The following TMEM131L variants were observed in gnomAD, a reference collection of about 807,000 sequenced individuals.
The protein encoded by TMEM131L is transmembrane 131 like.
A neutral mutation model predicts 192.2 loss-of-function variants in TMEM131L; 54 were observed. The observed-to-expected ratio is 0.28, with a 90% confidence interval of 0.23 to 0.35. The LOEUF is 0.35. TMEM131L is among the 10% of genes least tolerant of loss of function. The pLI, the probability that TMEM131L is intolerant of heterozygous loss-of-function variation, is 1.00. For missense variants in TMEM131L, 1,888 were observed against 1,972.9 expected (o/e 0.96, Z 0.82); for synonymous variants, 701 against 704.9 (o/e 0.99, Z 0.09).
chr4:153,566,518 AGTGTGTGTGTGTGT>A (rs35949558), intron 7 of TMEM131L, among the ~76,000 whole-genome samples: 5 of 145,758 alleles, frequency 3.4e-5, no homozygotes, highest in East Asian at 2.0e-4. Flanking sequence ...TGTGAGTGTG[AGTGTGTGTGTGTGT>A]GTGTGTGTGT....
chr4:153,567,116 A>G (rs1402652188), intron 7 of TMEM131L, among the ~76,000 whole-genome samples: 2 of 152,234 alleles, frequency 1.3e-5, no homozygotes, highest in Non-Finnish European at 2.9e-5. Context: ...AAATCAGGGT[A>G]AGGAGGAGAA....
intron 3 of TMEM131L, among the ~76,000 whole-genome samples, chr4:153,537,377 G>C (rs1214785722): frequency 1.3e-5 from 2 of 152,164 alleles, no homozygotes; most frequent in Non-Finnish European, 2.9e-5. Context: ...ATAGTGCAAA[G>C]CAAAAGCAGG....
At chr4:153,593,021 A>C (rs1205589068) in intron 18 of TMEM131L, among the ~76,000 whole-genome samples, 1 of 152,164 alleles carries the variant, frequency 6.6e-6, no homozygotes, top group East Asian at 1.9e-4. Context: ...AGTCCTTTAA[A>C]ACCATTGATG....
intron 7 of TMEM131L, among the ~76,000 whole-genome samples, chr4:153,580,037 A>G (rs1275678152): frequency 6.6e-6 from 1 of 152,174 alleles, no homozygotes; most frequent in Non-Finnish European, 1.5e-5. Flanking sequence ...TCTAATCACT[A>G]TGCCAGAGAC....
In TMEM131L at chr4:153,604,235, A is replaced by G. The variant is rs1278583873; in HGVS notation, c.3223A>G (p.Ser1075Gly). ...TTTCAGTAATCCTTCTTCAGAATGT[A>G]GTATGAAGGAGGGAATACAGACATG... ...IVFSNPSSEC[S>G]MKEGIQTCMF... The change falls in exon 25 of 35, where the codon AGT becomes GGT. Residue 1075 changes from serine (S) to glycine (G), a missense_variant. By Grantham distance (56) the Ser-to-Gly change is moderately conservative. Transcript: ENST00000409959. The G allele has an allele frequency of 5.0e-6, 8 of 1,613,938 alleles. No individual in the cohort carries two copies. Among genetic ancestry groups the G allele is most frequent in the Non-Finnish European group, 6.8e-6 (8 of 1,179,924 alleles).
Position 153,634,253 on chromosome 4 carries a change from T to C in TMEM131L, c.4390T>C (p.Leu1464=). The C allele has an allele frequency of 6.2e-7, 1 of 1,614,064 alleles. No homozygotes were observed. Among genetic ancestry groups the C allele is most frequent in the Non-Finnish European group, 8.5e-7 (1 of 1,179,906 alleles). ...TTCCAGCGCATACTGTCCATTGGAA[T>C]TGAACGATTACAATGCCTTTCCAGA... ...QFSSAYCPLE[L]NDYNAFPEEN... is the part of the protein sequence containing the mutation. Residue 1464 remains leucine, a synonymous_variant, in exon 33 of 35, where the codon TTG becomes CTG. Transcript: ENST00000409959.
At chr4:153,542,655 T>G (rs1469874452) in intron 3 of TMEM131L, among the ~76,000 whole-genome samples, 1 of 152,236 alleles carries the variant, frequency 6.6e-6, no homozygotes, top group Non-Finnish European at 1.5e-5. Flanking sequence ...ATAAATTTAC[T>G]TGCTGTCATT....
chr4:153,589,143 T>C (rs1730900637), intron 16 of TMEM131L, 136 bp downstream of exon 16: 1 of 477,636 alleles, frequency 2.1e-6, no homozygotes, highest in Admixed American at 3.8e-5. Flanking sequence ...GCAGACCCTA[T>C]ATACTATGCA....
intron 26 of TMEM131L, among the ~76,000 whole-genome samples, chr4:153,612,932 A>G (rs1344523954): frequency 6.6e-6 from 1 of 152,214 alleles, no homozygotes; most frequent in Non-Finnish European, 1.5e-5. Context: ...GCACTTAGTT[A>G]AATTAATTGA....
chr4:153,621,444 G>A (rs564875302), intron 27 of TMEM131L, among the ~76,000 whole-genome samples: 1 of 152,330 alleles, frequency 6.6e-6, no homozygotes, highest in African/African-American at 2.4e-5. Context: ...AACCCAGGCA[G>A]TGTGGCACTC....
At chr4:153,548,797 T>A (rs1318143384) in intron 3 of TMEM131L, among the ~76,000 whole-genome samples, 2 of 152,136 alleles carry the variant, frequency 1.3e-5, no homozygotes, top group African/African-American at 4.8e-5. Flanking sequence ...GCATTGTTTG[T>A]ACCTTCAAGA....
intron 3 of TMEM131L, among the ~76,000 whole-genome samples, chr4:153,502,786 C>G (rs1171848180): frequency 6.6e-6 from 1 of 152,164 alleles, no homozygotes. Context: ...TTTATAATTT[C>G]TTGTTACTTG....
chr4:153,544,279 G>A (rs992487375), intron 3 of TMEM131L, among the ~76,000 whole-genome samples: 1 of 152,190 alleles, frequency 6.6e-6, no homozygotes, highest in Non-Finnish European at 1.5e-5. Context: ...GTTAGGAGGT[G>A]AAGCTATTTT....
In TMEM131L at chr4:153,612,858, C is replaced by T. The variant is rs112122456; in HGVS notation, c.3567+458C>T. Among the ~76,000 whole-genome samples, 873 of 152,172 alleles carry T rather than the reference C, an allele frequency of 5.7e-3. 10 individuals carry two copies. Among genetic ancestry groups the T allele is most frequent in the African/African-American group, 0.02 (826 of 41,520 alleles). ...TTTCCTGATATGAGGGAAGAACTAACTTTGCAGATCAAAAGGGGACAATGT... is the reference window on the plus strand; with the variant it reads ...TTTCCTGATATGAGGGAAGAACTAATTTTGCAGATCAAAAGGGGACAATGT... On this transcript the variant is annotated intron_variant, in intron 26 of 34. Coordinates refer to ENST00000409959, the MANE Select transcript of TMEM131L (RefSeq NM_001131007.2).
Position 153,612,301 on chromosome 4 carries a change from T to C in TMEM131L, c.3468T>C (p.Asn1156=), listed in dbSNP as rs563995161. The change falls in exon 26 of 35, where the codon AAT becomes AAC. Residue 1156 remains asparagine, a synonymous_variant. Coordinates refer to ENST00000409959, the MANE Select transcript of TMEM131L (RefSeq NM_001131007.2). ...PVKNEVDHCE[N]LKKVDTKPSS... is the part of the protein sequence containing the mutation. Reference sequence around the variant, plus strand: ...AGAATGAAGTAGATCATTGTGAAAATTTGAAGAAGGTGGACACAAAGCCTT... The same window carrying C: ...AGAATGAAGTAGATCATTGTGAAAACTTGAAGAAGGTGGACACAAAGCCTT... 2 of 1,591,812 alleles carry C rather than the reference T, an allele frequency of 1.3e-6. No homozygotes were observed. Among genetic ancestry groups the C allele is most frequent in the South Asian group, 2.4e-5 (2 of 83,450 alleles).
Position 153,585,160 on chromosome 4 carries a change from G to A in TMEM131L, c.1157+229G>A, listed in dbSNP as rs1409228411. Among the ~76,000 whole-genome samples, 3 of 152,212 alleles carry A rather than the reference G, an allele frequency of 2.0e-5. No homozygotes were observed. In the East Asian group the frequency reaches 5.8e-4, roughly 29 times the overall value. ...AAATAGGTTCAGCATCAGGCATCCAGATGTGTGAAAAGAGTACATATTCAC... is the reference window on the plus strand; with the variant it reads ...AAATAGGTTCAGCATCAGGCATCCAAATGTGTGAAAAGAGTACATATTCAC... On this transcript the variant is annotated intron_variant, in intron 12 of 34. Coordinates refer to ENST00000409959, the MANE Select transcript of TMEM131L (RefSeq NM_001131007.2).
intron 3 of TMEM131L, among the ~76,000 whole-genome samples, chr4:153,491,096 G>C (rs1489238706): frequency 6.6e-6 from 1 of 152,166 alleles, no homozygotes; most frequent in Non-Finnish European, 1.5e-5. Context: ...AGGCTTTATG[G>C]ACACACAGAT....
At chr4:153,507,285 C>T (rs1379007167) in intron 3 of TMEM131L, among the ~76,000 whole-genome samples, 1 of 152,074 alleles carries the variant, frequency 6.6e-6, no homozygotes. Flanking sequence ...GTGTTTTGGG[C>T]GGGTGGCTGT....
chr4:153,585,282 G>T (rs531532670), intron 12 of TMEM131L, among the ~76,000 whole-genome samples, 176 bp from the exon 13 acceptor site: 2 of 152,338 alleles, frequency 1.3e-5, no homozygotes, highest in South Asian at 4.1e-4. Flanking sequence ...CGGGCTTCCA[G>T]TTGCTCCCTA....
Sources: allele counts gnomAD v4.1 joint callset (sites outside exome capture counted in the v4.1 genomes callset), GRCh38; gene constraint gnomAD v4.1.1; transcripts MANE v1.5; gene names NCBI Gene and HGNC (gene_info 2026-07-23, HGNC 2026-07-21).